Variants in C8orf76 observed in about 807,000 individuals in gnomAD.
C8orf76 encodes the protein chromosome 8 open reading frame 76, also known as uncharacterized protein C8orf76.
Under a neutral mutation model 38.1 loss-of-function variants are expected in C8orf76, and 46 were observed. The ratio of observed to expected loss-of-function variants is 1.21; its 90% CI spans 0.95 to 1.54. The LOEUF is 1.54. Ranked by LOEUF, C8orf76 falls within the 40% of genes most tolerant of loss-of-function variation. The pLI is 0.00. For synonymous variants in C8orf76, 166 were observed against 167.5 expected (o/e 0.99, Z 0.07); for missense variants, 461 against 441.6 (o/e 1.04, Z -0.39).
chr8:123,225,075 G>A (rs147245252), intron 5 of C8orf76, among the ~76,000 whole-genome samples: 5,444 of 152,058 alleles, frequency 0.036, 324 homozygotes, highest in African/African-American at 0.12. Context: ...ACACAATCTC[G>A]GCTCACTGCA....
intron 5 of C8orf76, among the ~76,000 whole-genome samples, chr8:123,224,523 G>A (rs1159016813): frequency 6.6e-6 from 1 of 152,060 alleles, no homozygotes. Context: ...GAGGTGAAAG[G>A]ACCACTTGAG....
chr8:123,219,990 T>A lies in C8orf76; in HGVS notation c.*113A>T. Reference sequence around the variant, plus strand: ...AATCATTTGAGACAGAAGCCAGTTTTATAAAACATAAATAATCATTTATAC... The same window carrying A: ...AATCATTTGAGACAGAAGCCAGTTTAATAAAACATAAATAATCATTTATAC... On this transcript the variant is annotated 3_prime_UTR_variant, in exon 6 of 6. Transcript: ENST00000276704. 1 of 614,970 alleles carries A rather than the reference T, an allele frequency of 1.6e-6. No homozygotes were observed. Among genetic ancestry groups the A allele is most frequent in the Non-Finnish European group, 2.6e-6 (1 of 382,528 alleles). The allele number at this position is 614,970 out of a possible 1,614,324, so 38.1% of individuals were successfully genotyped here. A position where few individuals can be genotyped will look rare whatever the true frequency, so the allele number is the denominator to read the frequency against.
At chr8:123,228,619 CA>C (rs538956189) in intron 4 of C8orf76, among the ~76,000 whole-genome samples, 193 of 141,718 alleles carry the variant, frequency 1.4e-3, no homozygotes, top group Non-Finnish European at 2.0e-3. Flanking sequence ...AACTCCGTCT[CA>C]AAAAAAAAAA....
chr8:123,239,179 G>A (rs1299228056), intron 1 of C8orf76, 35 bp from the exon 2 acceptor site: 1 of 1,600,840 alleles, frequency 6.2e-7, no homozygotes, highest in East Asian at 2.2e-5. Flanking sequence ...TACAGAGTGA[G>A]CTATGCTTTT....
In C8orf76 at chr8:123,241,329, C is replaced by G; in HGVS notation, c.18G>C (p.Trp6Cys). 6.4e-7 allele frequency: 1 copy of G among 1,570,150 alleles called. No individual in the cohort carries two copies. The highest frequency in any genetic ancestry group is 1.4e-5 in the African/African-American group (1 of 70,488). The stretch of plus-strand genomic sequence containing the variant: ...AGTCCTCGAACTCGCCGCCGAACAA[C>G]CAGCACCCGGAATCCATCTCGCGCC... MDSGC[W>C]LFGGEFEDSV... The change falls in exon 1 of 6, where the codon TGG becomes TGC. Residue 6 changes from tryptophan to cysteine, a missense_variant. Physicochemically the swap from Trp to Cys is radical, Grantham distance 215. Coordinates refer to ENST00000276704, the MANE Select transcript of C8orf76 (RefSeq NM_032847.3).
At chr8:123,236,757 C>T (rs1825499155) in intron 3 of C8orf76, 6 of 461,850 alleles carry the variant, frequency 1.3e-5, no homozygotes, top group Admixed American at 3.4e-5. Context: ...GCACTCCAGC[C>T]TGGGTGACAG....
rs1379617717 is a variant in C8orf76 at position 123,241,355 on chromosome 8, C to A, written c.-9G>T. The stretch of plus-strand genomic sequence containing the variant: ...CAGCACCCGGAATCCATCTCGCGCC[C>A]GCGGCGGGGGCAACGAGGAAGCGGG... On this transcript the variant is annotated 5_prime_UTR_variant, in exon 1 of 6. Coordinates refer to ENST00000276704, the MANE Select transcript of C8orf76 (RefSeq NM_032847.3). The A allele has an allele frequency of 3.2e-6, 5 of 1,548,804 alleles. No individual in the cohort carries two copies. Among genetic ancestry groups the A allele is most frequent in the African/African-American group, 1.4e-5 (1 of 69,210 alleles).
chr8:123,221,262 G>T (rs142618424), intron 5 of C8orf76, among the ~76,000 whole-genome samples: 41 of 152,294 alleles, frequency 2.7e-4, no homozygotes, highest in Non-Finnish European at 5.1e-4. Context: ...CCAGTTCTAA[G>T]ATACTTTTTT....
At chr8:123,236,467 G>A (rs947113717) in intron 3 of C8orf76, among the ~76,000 whole-genome samples, 1 of 152,164 alleles carries the variant, frequency 6.6e-6, no homozygotes, top group South Asian at 2.1e-4. Context: ...TTTAGAATGT[G>A]TGGAAAAAGG....
intron 4 of C8orf76, 138 bp downstream of exon 4, chr8:123,231,162 C>T (rs770441233): frequency 9.3e-6 from 10 of 1,076,610 alleles, no homozygotes; most frequent in African/African-American, 1.6e-5. Context: ...GAATGACAAA[C>T]GTTCAACACA....
At chr8:123,239,404 T>C (rs1228847342) in intron 1 of C8orf76, 1 of 344,338 alleles carries the variant, frequency 2.9e-6, no homozygotes, top group Non-Finnish European at 5.5e-6. Context: ...TTCTTGTAGA[T>C]AAACTTTAGT....
intron 4 of C8orf76, among the ~76,000 whole-genome samples, chr8:123,226,959 A>G (rs1825065284): frequency 1.3e-5 from 2 of 152,210 alleles, no homozygotes; most frequent in Admixed American, 6.5e-5. Context: ...GATTGAAAGG[A>G]TAAGTAATTT....
At chr8:123,233,369 G>A (rs1003851399) in intron 3 of C8orf76, among the ~76,000 whole-genome samples, 7 of 151,728 alleles carry the variant, frequency 4.6e-5, no homozygotes, top group Non-Finnish European at 1.0e-4. Context: ...GGTGGAGGCT[G>A]TTACTCACAA....
chr8:123,230,804 C>T (rs1825231422), intron 4 of C8orf76, among the ~76,000 whole-genome samples: 1 of 152,214 alleles, frequency 6.6e-6, no homozygotes, highest in Non-Finnish European at 1.5e-5. Flanking sequence ...CACGTGCCAC[C>T]ATGCCCAGCT....
chr8:123,233,559 G>A (rs1184210166), intron 3 of C8orf76, among the ~76,000 whole-genome samples: 2 of 150,808 alleles, frequency 1.3e-5, no homozygotes, highest in African/African-American at 4.9e-5. Flanking sequence ...CACACCAAGA[G>A]AGTTTTTAAA....
intron 3 of C8orf76, among the ~76,000 whole-genome samples, chr8:123,233,475 A>G (rs1028272919): frequency 4.0e-5 from 6 of 151,742 alleles, no homozygotes; most frequent in Admixed American, 3.3e-4. Flanking sequence ...ACTCACTGCA[A>G]TCTCCACCTC....
chr8:123,225,977 C>T (rs1825031244), intron 5 of C8orf76, among the ~76,000 whole-genome samples: 1 of 151,782 alleles, frequency 6.6e-6, no homozygotes, highest in African/African-American at 2.4e-5. Context: ...AAAAAATTAC[C>T]TTTGAATTTC....
chr8:123,227,755 T>A lies in C8orf76; in HGVS notation c.816-1123A>T, dbSNP rs568535208. ...AGGTGGGAAAAAAAAGCAGGGCCAA[T>A]TCAAATCAGACCTTGCAGGCCATGG... On this transcript the variant is annotated intron_variant, in intron 4 of 5. Transcript: ENST00000276704. Among the ~76,000 whole-genome samples, 84 of 152,116 alleles carry A rather than the reference T, an allele frequency of 5.5e-4. No homozygotes were observed. In the Middle Eastern group the frequency reaches 0.017, roughly 31 times the overall value.
At chr8:123,237,104 TACA>T (rs1023186668) in intron 3 of C8orf76, 4 of 1,008,800 alleles carry the variant, frequency 4.0e-6, no homozygotes, top group Non-Finnish European at 6.3e-6. Flanking sequence ...GAAATACAAC[TACA>T]ACAAGATGAT....
Sources: gnomAD v4.1 joint callset for allele counts (sites outside exome capture counted in the v4.1 genomes callset) on GRCh38, gnomAD v4.1.1 for gene constraint, MANE v1.5 for transcripts, NCBI Gene and HGNC (gene_info 2026-07-23, HGNC 2026-07-21) for gene names.